Variants in SERGEF observed in about 807,000 individuals in gnomAD.
SERGEF encodes the protein secretion-regulating guanine nucleotide exchange factor.
Under a neutral mutation model 50.0 loss-of-function variants are expected in SERGEF, and 51 were observed. The ratio of observed to expected loss-of-function variants is 1.02; its 90% confidence interval spans 0.81 to 1.29. The LOEUF is 1.29. Ranked by LOEUF, SERGEF falls within the 50% of genes most tolerant of loss-of-function variation. The probability of loss-of-function intolerance (pLI) is 0.00; values close to 1 mark genes in which losing one functional copy is unlikely to be tolerated. For synonymous variants in SERGEF, 205 were observed against 212.4 expected (o/e 0.97, Z 0.30); for missense variants, 521 against 557.0 (o/e 0.94, Z 0.65).
In SERGEF at chr11:17,788,331, C is replaced by A. The variant is rs373213978; in HGVS notation, c.1131G>T (p.Pro377=). The change falls in exon 11 of 11, where the codon CCG becomes CCT. Residue 377 remains proline (P), a synonymous_variant. Transcript: ENST00000265965. ...GTEANVWAPK[P]VQALLSSSGL... ...CTGACGATGACAGCAGAGCCTGCAC[C>A]GGCTTTGGGGCCCAGACGTTGGCTT... The A allele has an allele frequency of 1.9e-6, 3 of 1,614,192 alleles. No individual in the cohort carries two copies. The South Asian group carries it at 3.3e-5, about 18-fold the overall frequency.
chr11:17,962,936 CT>C (rs1853039016), intron 8 of SERGEF, among the ~76,000 whole-genome samples: 1 of 152,082 alleles, frequency 6.6e-6, no homozygotes. Context: ...AATCCCAGCA[CT>C]TTGGGAGGCC....
intron 1 of SERGEF, among the ~76,000 whole-genome samples, chr11:18,008,777 C>T (rs1053294801): frequency 2.6e-5 from 4 of 151,788 alleles, no homozygotes; most frequent in African/African-American, 9.7e-5. Flanking sequence ...TGCACCCATG[C>T]CACCTCACTG....
chr11:17,906,799 C>A (rs973819361), intron 9 of SERGEF, among the ~76,000 whole-genome samples: 2 of 144,742 alleles, frequency 1.4e-5, no homozygotes, highest in African/African-American at 5.2e-5. Context: ...GACGTAATTT[C>A]CACAGCCATA....
intron 10 of SERGEF, among the ~76,000 whole-genome samples, chr11:17,814,608 C>A (rs146116208): frequency 1.3e-5 from 2 of 152,298 alleles, no homozygotes; most frequent in Non-Finnish European, 2.9e-5. Flanking sequence ...ATTTCATCCT[C>A]CAAATGACCC....
chr11:17,897,355 G>A (rs1400009165), intron 9 of SERGEF, among the ~76,000 whole-genome samples: 1 of 152,174 alleles, frequency 6.6e-6, no homozygotes, highest in African/African-American at 2.4e-5. Flanking sequence ...TTTAGGCTCT[G>A]TGAAATCTTA....
intron 10 of SERGEF, among the ~76,000 whole-genome samples, chr11:17,857,784 C>G (rs1159924452): frequency 1.3e-5 from 2 of 152,226 alleles, no homozygotes; most frequent in Non-Finnish European, 2.9e-5. Context: ...CTTTCTCTAT[C>G]CTTGTCAGCT....
At chr11:17,962,347 A>G (rs1853021609) in intron 8 of SERGEF, among the ~76,000 whole-genome samples, 2 of 152,300 alleles carry the variant, frequency 1.3e-5, no homozygotes, top group South Asian at 2.1e-4. Context: ...GGAGTAAAAA[A>G]AAAACAATGA....
At chr11:17,859,055 C>T (rs1850877308) in intron 10 of SERGEF, among the ~76,000 whole-genome samples, 1 of 152,090 alleles carries the variant, frequency 6.6e-6, no homozygotes, top group African/African-American at 2.4e-5. Flanking sequence ...GCCATCCTCC[C>T]TAGGGATATA....
intron 10 of SERGEF, among the ~76,000 whole-genome samples, chr11:17,794,379 C>T (rs1440213219): frequency 6.6e-6 from 1 of 152,160 alleles, no homozygotes; most frequent in African/African-American, 2.4e-5. Context: ...TGGTGCTTCT[C>T]AGTTTCATAA....
intron 1 of SERGEF, among the ~76,000 whole-genome samples, chr11:18,009,349 C>G (rs930247346): frequency 3.3e-5 from 5 of 152,180 alleles, no homozygotes; most frequent in Admixed American, 3.3e-4. Flanking sequence ...CCTTCTTATG[C>G]TCCAGCCCCC....
intron 9 of SERGEF, among the ~76,000 whole-genome samples, chr11:17,898,462 T>C (rs760235733): frequency 1.3e-5 from 2 of 152,212 alleles, no homozygotes; most frequent in Admixed American, 6.5e-5. Context: ...ATAGGAATTA[T>C]AGTACTAACC....
At chr11:18,003,036 G>A (rs546782350) in intron 4 of SERGEF, among the ~76,000 whole-genome samples, 2 of 152,262 alleles carry the variant, frequency 1.3e-5, no homozygotes, top group South Asian at 2.1e-4. Flanking sequence ...GCAATTGGGA[G>A]CTATAATACT....
chr11:17,899,476 G>A (rs532668807), intron 9 of SERGEF, among the ~76,000 whole-genome samples: 1 of 151,376 alleles, frequency 6.6e-6, no homozygotes, highest in Admixed American at 6.6e-5. Context: ...AAGGCTTAGA[G>A]AGTCTCAGTG....
At chr11:17,907,139 C>G (rs973766712) in intron 9 of SERGEF, among the ~76,000 whole-genome samples, 10 of 133,982 alleles carry the variant, frequency 7.5e-5, no homozygotes, top group African/African-American at 2.7e-4. Context: ...ATTCTCTAGT[C>G]TGTCAAACTG....
At chr11:17,844,920 A>C (rs1850576732) in intron 10 of SERGEF, among the ~76,000 whole-genome samples, 1 of 127,644 alleles carries the variant, frequency 7.8e-6, no homozygotes, top group African/African-American at 2.6e-5. Flanking sequence ...AAACAAAACA[A>C]ACAAACAAAA....
chr11:17,832,205 A>G (rs1018964233), intron 10 of SERGEF, among the ~76,000 whole-genome samples: 1 of 152,160 alleles, frequency 6.6e-6, no homozygotes, highest in African/African-American at 2.4e-5. Context: ...ACCTGGTGGG[A>G]GGTAACTGAA....
intron 9 of SERGEF, among the ~76,000 whole-genome samples, chr11:17,887,433 G>A (rs1851450488): frequency 6.6e-6 from 1 of 152,208 alleles, no homozygotes; most frequent in Non-Finnish European, 1.5e-5. Flanking sequence ...AACCATGTGA[G>A]TTGGACAATC....
chr11:17,929,178 G>A (rs1011585818), intron 9 of SERGEF, among the ~76,000 whole-genome samples: 7 of 152,224 alleles, frequency 4.6e-5, no homozygotes, highest in Admixed American at 1.3e-4. Context: ...ACATAACTCG[G>A]CATTGTCAAA....
At chr11:17,921,806 A>G (rs1480055653) in intron 9 of SERGEF, among the ~76,000 whole-genome samples, 4 of 152,214 alleles carry the variant, frequency 2.6e-5, no homozygotes, top group Non-Finnish European at 4.4e-5. Context: ...GCAAGGAAGA[A>G]CACATGATTT....
Sources: allele counts gnomAD v4.1 joint callset (sites outside exome capture counted in the v4.1 genomes callset), GRCh38; gene constraint gnomAD v4.1.1; transcripts MANE v1.5; gene names NCBI Gene and HGNC (gene_info 2026-07-23, HGNC 2026-07-21).